Variants in NCALD observed in about 807,000 individuals in gnomAD.
The protein encoded by NCALD is neurocalcin-delta.
NCALD carries 10 observed loss-of-function variants against 18.6 expected under a neutral mutation model. That is an observed-to-expected ratio of 0.54 (90% CI 0.33 to 0.91). The LOEUF (loss-of-function observed/expected upper bound fraction) is 0.91. Among genes scored for constraint, NCALD ranks in the 40% least tolerant of loss-of-function variants. The pLI is 0.03. For missense variants in NCALD, 184 were observed against 247.6 expected, an observed-to-expected ratio of 0.74 and a Z score of 1.72; for synonymous variants, 88 against 87.4, an observed-to-expected ratio of 1.01 and a Z score of -0.04.
chr8:101,691,445 G>A, intron 3 of NCALD: 2 of 985,278 alleles, frequency 2.0e-6, no homozygotes, highest in Non-Finnish European at 2.4e-6. Context: ...ACACAGTTAG[G>A]GCTTTAGGGC....
chr8:101,757,687 A>C (rs1454720077), intron 1 of NCALD, among the ~76,000 whole-genome samples: 1 of 151,990 alleles, frequency 6.6e-6, no homozygotes, highest in Non-Finnish European at 1.5e-5. Flanking sequence ...TATCAATTTT[A>C]CCTAAAAATT....
intron 2 of NCALD, among the ~76,000 whole-genome samples, chr8:101,709,218 G>A (rs1241032964): frequency 6.6e-6 from 1 of 152,176 alleles, no homozygotes; most frequent in Admixed American, 6.5e-5. Flanking sequence ...TGGAGAGGAT[G>A]AAGTAAAGTT....
intron 1 of NCALD, among the ~76,000 whole-genome samples, chr8:102,027,031 T>C (rs572967687): frequency 5.3e-5 from 8 of 152,162 alleles, no homozygotes; most frequent in Non-Finnish European, 1.0e-4. Context: ...GGGCACTATG[T>C]CCCAAGGCTG....
intron 1 of NCALD, among the ~76,000 whole-genome samples, chr8:102,037,482 TAC>T (rs1291641599): frequency 1.3e-5 from 2 of 152,230 alleles, no homozygotes; most frequent in Non-Finnish European, 2.9e-5. Flanking sequence ...AGATGTTGTA[TAC>T]ATTTAGTGTG....
At chr8:101,850,049 G>A (rs1815028129) in intron 4 of NCALD, among the ~76,000 whole-genome samples, 1 of 152,200 alleles carries the variant, frequency 6.6e-6, no homozygotes, top group African/African-American at 2.4e-5. Flanking sequence ...AGAGGGCTCT[G>A]GACTGAGCAT....
intron 4 of NCALD, among the ~76,000 whole-genome samples, chr8:101,840,129 A>C (rs778324469): frequency 4.0e-5 from 6 of 151,154 alleles, no homozygotes; most frequent in South Asian, 2.1e-4. Flanking sequence ...AAAAAAAAAA[A>C]CACAGCTGAA....
intron 4 of NCALD, among the ~76,000 whole-genome samples, chr8:101,844,710 G>A (rs1324430898): frequency 6.6e-6 from 1 of 152,048 alleles, no homozygotes; most frequent in Non-Finnish European, 1.5e-5. Context: ...TCTTTCAGAT[G>A]AGACCCCTAT....
intron 4 of NCALD, among the ~76,000 whole-genome samples, chr8:101,862,321 T>C (rs1340327989): frequency 6.6e-6 from 1 of 152,238 alleles, no homozygotes; most frequent in African/African-American, 2.4e-5. Flanking sequence ...ACGGCAATTG[T>C]GATATTTTCT....
intron 1 of NCALD, among the ~76,000 whole-genome samples, chr8:101,751,699 T>C (rs1252261078): frequency 1.3e-5 from 2 of 152,074 alleles, no homozygotes; most frequent in African/African-American, 4.8e-5. Flanking sequence ...AAGGAAACAA[T>C]GATCTTCACA....
At chr8:102,027,801 A>G (rs1046560556) in intron 1 of NCALD, among the ~76,000 whole-genome samples, 8 of 152,166 alleles carry the variant, frequency 5.3e-5, no homozygotes, top group Non-Finnish European at 1.0e-4. Flanking sequence ...ATTTACAATC[A>G]TGGTAGAAGT....
At chr8:102,037,512 T>G (rs187490196) in intron 1 of NCALD, among the ~76,000 whole-genome samples, 1 of 152,338 alleles carries the variant, frequency 6.6e-6, no homozygotes, top group Admixed American at 6.5e-5. Flanking sequence ...ATAGACATAA[T>G]ACACATATCA....
intron 2 of NCALD, among the ~76,000 whole-genome samples, chr8:101,998,142 G>A (rs918685520): frequency 6.6e-6 from 1 of 152,094 alleles, no homozygotes; most frequent in African/African-American, 2.4e-5. Context: ...CCACCATAAT[G>A]AGGCTAAGAA....
chr8:102,088,191 T>C (rs1824803808), intron 1 of NCALD, among the ~76,000 whole-genome samples: 1 of 152,208 alleles, frequency 6.6e-6, no homozygotes, highest in South Asian at 2.1e-4. Flanking sequence ...CTTGTAACCA[T>C]GTGGCCATGC....
rs1429240413 is a variant in NCALD at position 102,079,068 on chromosome 8, C to T, written c.-210+45169G>A. 2.0e-5 allele frequency among the ~76,000 whole-genome samples: 3 copies of T among 152,144 alleles called. 1 individual carries two copies. The highest frequency in any genetic ancestry group is 4.4e-5 in the Non-Finnish European group (3 of 68,024). ...TACAGAGAAGCCAGAAAACTCCTGC[C>T]ACTGGAGACCACCGCTTCATTTCTA... On this transcript the variant is annotated intron_variant, in intron 1 of 6. Transcript: ENST00000311028.
intron 1 of NCALD, among the ~76,000 whole-genome samples, chr8:102,059,688 T>A (rs1823772537): frequency 2.6e-5 from 4 of 152,238 alleles, no homozygotes; most frequent in Admixed American, 2.6e-4. Context: ...AATGATCTCA[T>A]AAGAATTATC....
At chr8:101,841,221 A>G (rs1041029884) in intron 4 of NCALD, among the ~76,000 whole-genome samples, 1 of 152,198 alleles carries the variant, frequency 6.6e-6, no homozygotes, top group African/African-American at 2.4e-5. Context: ...TGGTTGGCCA[A>G]TGTAATGAGA....
chr8:101,909,440 C>T (rs1817715115), intron 3 of NCALD, among the ~76,000 whole-genome samples: 1 of 152,192 alleles, frequency 6.6e-6, no homozygotes, highest in African/African-American at 2.4e-5. Flanking sequence ...CCACCTTCAT[C>T]ACTGCCTTGC....
chr8:101,972,379 T>C (rs1471042613), intron 2 of NCALD, among the ~76,000 whole-genome samples: 1 of 152,214 alleles, frequency 6.6e-6, no homozygotes, highest in East Asian at 1.9e-4. Flanking sequence ...TATTTTAATA[T>C]GTTGTTGTGG....
chr8:101,853,776 C>T (rs1452443167), intron 4 of NCALD, among the ~76,000 whole-genome samples: 6 of 152,140 alleles, frequency 3.9e-5, no homozygotes, highest in Non-Finnish European at 8.8e-5. Context: ...TCAATAGCCT[C>T]CTCTATTCTC....
Sources: allele counts gnomAD v4.1 joint callset (sites outside exome capture counted in the v4.1 genomes callset), GRCh38; gene constraint gnomAD v4.1.1; transcripts MANE v1.5; gene names NCBI Gene and HGNC (gene_info 2026-07-23, HGNC 2026-07-21).